Variants in RGMA observed in about 807,000 individuals in gnomAD.
RGMA encodes repulsive guidance molecule BMP co-receptor a, also known as repulsive guidance molecule A.
RGMA carries 10 observed loss-of-function variants against 23.2 expected under a neutral mutation model. The observed-to-expected ratio is 0.43, with a 90% CI of 0.27 to 0.73. The LOEUF (loss-of-function observed/expected upper bound fraction) is 0.73. Ranked by LOEUF, RGMA falls within the 30% of genes least tolerant of loss-of-function variation. RGMA has a pLI of 0.20. For synonymous variants in RGMA, 308 were observed against 279.3 expected (o/e 1.10, Z -1.03); for missense variants, 547 against 630.5 (o/e 0.87, Z 1.42).
chr15:93,070,642 C>A (rs182211164), intron 2 of RGMA, among the ~76,000 whole-genome samples: 218 of 152,262 alleles, frequency 1.4e-3, no homozygotes, highest in African/African-American at 4.9e-3. Context: ...GTTTTGGAGC[C>A]CCCAGTATAT....
intron 2 of RGMA, among the ~76,000 whole-genome samples, chr15:93,064,636 C>T (rs74567431): frequency 0.075 from 11,349 of 152,290 alleles, 494 homozygotes; most frequent in Middle Eastern, 0.099. Context: ...CTTCCTTCTG[C>T]GGGGACCTAG....
intron 1 of RGMA, among the ~76,000 whole-genome samples, chr15:93,074,976 C>G (rs767070386): frequency 6.6e-6 from 1 of 152,210 alleles, no homozygotes; most frequent in Non-Finnish European, 1.5e-5. Context: ...ACTGCTGCAG[C>G]ATGTCCAGGT....
chr15:93,044,769 C>T lies in RGMA; in HGVS notation c.*229G>A, dbSNP rs2054786861. ...GGGGCGGGGCGAGGGGAGCTGCTCT[C>T]CCTCTCACACAGCTCTACTGTCAAA... is the stretch of plus-strand genomic sequence containing the variant. On this transcript the variant is annotated 3_prime_UTR_variant, in exon 4 of 4. Transcript: ENST00000329082. 1.7e-6 allele frequency: 1 copy of T among 580,350 alleles called. No individual in the cohort carries two copies. The highest frequency in any genetic ancestry group is 2.8e-5 in the East Asian group (1 of 35,294). 36.0% of individuals were successfully genotyped at this position (580,350 alleles called of 1,614,324 possible). A position where few individuals can be genotyped will look rare whatever the true frequency, so the allele number is the denominator to read the frequency against.
rs1194056294 is a variant in RGMA, at chr15:93,059,813, C to G, written c.131-7306G>C. On this transcript the variant is annotated intron_variant, in intron 2 of 3. Coordinates refer to ENST00000329082, the MANE Select transcript of RGMA (RefSeq NM_020211.3). ...GTGGTGTCACCTGCCAAAGAGATCTCAGAGAGGCCGATTTTTATGTGCTGT... is the reference window on the plus strand; with the variant it reads ...GTGGTGTCACCTGCCAAAGAGATCTGAGAGAGGCCGATTTTTATGTGCTGT... 6.6e-5 allele frequency among the ~76,000 whole-genome samples: 10 copies of G among 152,218 alleles called. No homozygotes were observed. In the East Asian group the frequency reaches 9.6e-4, roughly 15 times the overall value.
chr15:93,066,380 G>A (rs1300936371), intron 2 of RGMA: 7 of 723,342 alleles, frequency 9.7e-6, no homozygotes, highest in South Asian at 4.1e-5. Flanking sequence ...GCTTGTTCGC[G>A]TGACTCCAGG....
rs553264420 is a variant in RGMA, at chr15:93,048,598, G to T, written c.646-2893C>A. ...ACACGGCACACTTCCCATTTGCCGT[G>T]GGATGTCAAAGGTGGCTGCGGCTGC... On this transcript the variant is annotated intron_variant, in intron 3 of 3. Coordinates refer to ENST00000329082, the MANE Select transcript of RGMA (RefSeq NM_020211.3). 1.9e-3 allele frequency among the ~76,000 whole-genome samples: 286 copies of T among 152,262 alleles called. 2 individuals carry two copies. The highest frequency in any genetic ancestry group is 6.5e-3 in the African/African-American group (272 of 41,552).
intron 1 of RGMA, among the ~76,000 whole-genome samples, chr15:93,082,812 T>A (rs1051860750): frequency 2.6e-5 from 4 of 152,246 alleles, no homozygotes; most frequent in African/African-American, 7.2e-5. Context: ...ATTCTGTAGA[T>A]CACGTATTCA....
chr15:93,049,192 C>T (rs1280392735), intron 3 of RGMA, among the ~76,000 whole-genome samples: 3 of 152,210 alleles, frequency 2.0e-5, no homozygotes, highest in East Asian at 1.9e-4. Flanking sequence ...GCACCGGGCA[C>T]GAGGCAGAGC....
At chr15:93,080,284 A>G (rs1172116297) in intron 1 of RGMA, among the ~76,000 whole-genome samples, 1 of 151,978 alleles carries the variant, frequency 6.6e-6, no homozygotes, top group Non-Finnish European at 1.5e-5. Context: ...CTGCTGCCTC[A>G]ACCTCCTGGG....
Position 93,073,121 on chromosome 15 carries a change from G to A in RGMA, c.15-90C>T, listed in dbSNP as rs561412171. The A allele has an allele frequency of 1.1e-4, 150 of 1,357,660 alleles. 2 individuals are homozygous for A. The highest frequency in any genetic ancestry group is 3.3e-4 in the Admixed American group (11 of 32,962). 84.1% of individuals were successfully genotyped at this position (1,357,660 alleles called of 1,614,324 possible). ...TCCGCCGGCGGGAGCAGCGAGCCGG[G>A]AGGCTCCGTCCACCTCGGCCGCGGG... On this transcript the variant is annotated intron_variant, in intron 1 of 3. Transcript: ENST00000329082.
chr15:93,065,400 A>G (rs1010021211), intron 2 of RGMA, among the ~76,000 whole-genome samples: 9 of 107,614 alleles, frequency 8.4e-5, no homozygotes, highest in African/African-American at 1.8e-4. Flanking sequence ...ATAAGGGAAG[A>G]AAAAAAAAAA....
chr15:93,087,178 C>T (rs1049957593), intron 1 of RGMA, among the ~76,000 whole-genome samples: 2 of 152,242 alleles, frequency 1.3e-5, no homozygotes, highest in African/African-American at 4.8e-5. Flanking sequence ...GGGGGTACTA[C>T]AGTAGACCAC....
In RGMA at chr15:93,087,476, A is replaced by AC. The variant is rs1555451822; in HGVS notation, c.14+1442_14+1443insG. ...TTCTTTGTATGTGCAAAAAAAAAAAAAAAAAAAACCACAAAACCCAGTTTG... is the reference window on the plus strand; with the variant it reads ...TTCTTTGTATGTGCAAAAAAAAAAAACAAAAAAAACCACAAAACCCAGTTTG... On this transcript the variant is annotated intron_variant, in intron 1 of 3. Transcript: ENST00000329082. 3.8e-3 allele frequency among the ~76,000 whole-genome samples: 572 copies of AC among 150,922 alleles called. 9 individuals carry two copies. Among genetic ancestry groups the AC allele is most frequent in the African/African-American group, 0.013 (531 of 41,142 alleles).
intron 1 of RGMA, chr15:93,073,818 T>C: frequency 2.6e-6 from 4 of 1,525,008 alleles, no homozygotes; most frequent in Non-Finnish European, 3.5e-6. Context: ...TCCTGAAGAC[T>C]TGCCCCGGCT....
intron 1 of RGMA, among the ~76,000 whole-genome samples, chr15:93,073,336 C>T (rs553482622): frequency 1.2e-4 from 19 of 152,050 alleles, no homozygotes; most frequent in Admixed American, 1.1e-3. Flanking sequence ...GCTGCCCGGC[C>T]GCAGCGCTCG....
rs2054738441 is a variant in RGMA, at chr15:93,042,579, G to C, written c.*2419C>G. On this transcript the variant is annotated 3_prime_UTR_variant, in exon 4 of 4. Coordinates refer to ENST00000329082, the MANE Select transcript of RGMA (RefSeq NM_020211.3). ...GCTGGCTTAACTGTGCTGCTATTCT[G>C]CCTCATGGCATTTAGTTTGAAGAGA... 6.6e-6 allele frequency: 1 copy of C among 152,366 alleles called. No homozygotes were observed. Among genetic ancestry groups the C allele is most frequent in the Non-Finnish European group, 1.5e-5 (1 of 68,168 alleles). 9.4% of individuals were successfully genotyped at this position (152,366 alleles called of 1,614,324 possible). A position where few individuals can be genotyped will look rare whatever the true frequency, so the allele number is the denominator to read the frequency against.
At position 93,052,241 on chromosome 15, in the gene RGMA, C is replaced by T. The variant is rs565567344; in HGVS notation, c.397G>A (p.Gly133Arg). Reference sequence around the variant, plus strand: ...CTGTCCGAGCGCTCCTGGCTGTCTCCGGCCGGTGGGAGCGTGCGCAGGCGT... The same window carrying T: ...CTGTCCGAGCGCTCCTGGCTGTCTCTGGCCGGTGGGAGCGTGCGCAGGCGT... ...QPRLRTLPPA[G>R]DSQERSDSPE... The change falls in exon 3 of 4, where the codon GGA becomes AGA. Residue 133 changes from glycine to arginine, a missense_variant. Coordinates refer to ENST00000329082, the MANE Select transcript of RGMA (RefSeq NM_020211.3). The T allele has an allele frequency of 3.2e-5, 51 of 1,606,908 alleles. No individual in the cohort carries two copies. The highest frequency in any genetic ancestry group is 3.3e-4 in the Middle Eastern group (2 of 6,048).
intron 2 of RGMA, among the ~76,000 whole-genome samples, chr15:93,058,897 T>C (rs566367660): frequency 2.1e-4 from 32 of 152,094 alleles, no homozygotes; most frequent in African/African-American, 7.5e-4. Flanking sequence ...CATAGGGAGG[T>C]TGGGTAGGTA....
intron 2 of RGMA, among the ~76,000 whole-genome samples, chr15:93,053,344 A>G (rs536069406): frequency 1.3e-5 from 2 of 152,284 alleles, no homozygotes; most frequent in South Asian, 4.1e-4. Flanking sequence ...GCCCATAGTG[A>G]CCACAACTGG....
Sources: allele counts gnomAD v4.1 joint callset (sites outside exome capture counted in the v4.1 genomes callset), GRCh38; gene constraint gnomAD v4.1.1; transcripts MANE v1.5; gene names NCBI Gene and HGNC (gene_info 2026-07-23, HGNC 2026-07-21).